BFSP1: variants seen among roughly 807,000 people sequenced by gnomAD.
BFSP1 encodes beaded filament structural protein 1, also known as filensin.
A neutral mutation model predicts 43.9 loss-of-function variants in BFSP1; 38 were observed. The observed-to-expected ratio is 0.87, with a 90% CI of 0.67 to 1.14. The LOEUF is 1.14. BFSP1 is among the 50% of genes most tolerant of loss of function. The pLI is 0.00. For missense variants in BFSP1, 850 were observed against 875.1 expected, an observed-to-expected ratio of 0.97 and a Z score of 0.36; for synonymous variants, 352 against 354.8, an observed-to-expected ratio of 0.99 and a Z score of 0.09.
chr20:17,568,780 C>A (rs1372973477), intron 1 of BFSP1, among the ~76,000 whole-genome samples: 1 of 151,930 alleles, frequency 6.6e-6, no homozygotes, highest in African/African-American at 2.4e-5. Flanking sequence ...AAGCCACATA[C>A]AACCTAGATT....
chr20:17,547,714 TG>T (rs545700394), intron 1 of BFSP1, among the ~76,000 whole-genome samples: 162 of 149,202 alleles, frequency 1.1e-3, no homozygotes, highest in African/African-American at 3.8e-3. Context: ...ATAAGAGACA[TG>T]TTTTTTTTCT....
At chr20:17,517,273 G>T (rs891545991) in intron 2 of BFSP1, 4 of 1,258,120 alleles carry the variant, frequency 3.2e-6, no homozygotes, top group African/African-American at 1.5e-5. Context: ...GGCAAATGTT[G>T]TCTGACTTAC....
intron 1 of BFSP1, among the ~76,000 whole-genome samples, chr20:17,566,887 C>T (rs373387451): frequency 1.2e-4 from 19 of 152,204 alleles, no homozygotes; most frequent in African/African-American, 4.1e-4. Context: ...CTCCTGACCT[C>T]GTGATCCACC....
At chr20:17,499,488 C>T (rs746403138) in intron 5 of BFSP1, among the ~76,000 whole-genome samples, 29 of 144,464 alleles carry the variant, frequency 2.0e-4, no homozygotes, top group Non-Finnish European at 3.1e-4. Flanking sequence ...TTCAAGTGAT[C>T]CTCCCACCTC....
intron 2 of BFSP1, among the ~76,000 whole-genome samples, chr20:17,522,195 G>A (rs1465244118): frequency 1.3e-5 from 2 of 152,190 alleles, no homozygotes; most frequent in African/African-American, 4.8e-5. Flanking sequence ...TGGAGGTAGA[G>A]AATGAACCAC....
At chr20:17,506,386 G>C (rs769537399) in intron 5 of BFSP1, among the ~76,000 whole-genome samples, 2 of 152,136 alleles carry the variant, frequency 1.3e-5, no homozygotes, top group East Asian at 1.9e-4. Context: ...GACTCATCAA[G>C]GCAGCAACAG....
At chr20:17,512,446 G>C (rs2034108685) in intron 3 of BFSP1, among the ~76,000 whole-genome samples, 1 of 152,132 alleles carries the variant, frequency 6.6e-6, no homozygotes, top group African/African-American at 2.4e-5. Context: ...ACCAGACATG[G>C]TGGCTCACAC....
At position 17,514,643 on chromosome 20, in the gene BFSP1, A is replaced by G. The variant is rs577442183; in HGVS notation, c.534+78T>C. ...TATGCCACTCTAGCAGTCTGTTTTCAGCCACAGTACCCTCGGCTTACCTGA... is the reference window on the plus strand; with the variant it reads ...TATGCCACTCTAGCAGTCTGTTTTCGGCCACAGTACCCTCGGCTTACCTGA... On this transcript the variant is annotated intron_variant, in intron 3 of 7. Coordinates refer to ENST00000377873, the MANE Select transcript of BFSP1 (RefSeq NM_001195.5). 1,798 of 1,417,834 alleles carry G rather than the reference A, an allele frequency of 1.3e-3. 3 individuals are homozygous for G. The highest frequency in any genetic ancestry group is 1.6e-3 in the Non-Finnish European group (1,607 of 1,005,864). 87.8% of individuals were successfully genotyped at this position (1,417,834 alleles called of 1,614,324 possible). A position where few individuals can be genotyped will look rare whatever the true frequency, so the allele number is the denominator to read the frequency against.
At chr20:17,564,171 T>TACACAG (rs1555806956) in intron 1 of BFSP1, among the ~76,000 whole-genome samples, 6 of 151,606 alleles carry the variant, frequency 4.0e-5, no homozygotes, top group Admixed American at 1.3e-4. Flanking sequence ...TGTCTTTACA[T>TACACAG]ACACAGACAC....
In BFSP1 at chr20:17,515,305, G is replaced by A. The variant is rs1040388087; in HGVS notation, c.439-489C>T. Among the ~76,000 whole-genome samples the A allele has an allele frequency of 5.9e-5, 9 of 152,220 alleles. No individual in the cohort carries two copies. The South Asian group carries it at 8.3e-4, about 14-fold the overall frequency. Reference sequence around the variant, plus strand: ...CAAATAAAGTTAATATTTAAGTAACGTCTATATTTGTTCTATATCTCATCA... The same window carrying A: ...CAAATAAAGTTAATATTTAAGTAACATCTATATTTGTTCTATATCTCATCA... On this transcript the variant is annotated intron_variant, in intron 2 of 7. Transcript: ENST00000377873.
At chr20:17,517,533 C>T (rs556695834) in intron 2 of BFSP1, among the ~76,000 whole-genome samples, 10 of 152,282 alleles carry the variant, frequency 6.6e-5, no homozygotes, top group Admixed American at 5.9e-4. Flanking sequence ...ATCCACCCAC[C>T]GTGGCCTCCC....
chr20:17,495,370 A>G (rs924723070), intron 7 of BFSP1, among the ~76,000 whole-genome samples: 2 of 152,214 alleles, frequency 1.3e-5, no homozygotes, highest in Non-Finnish European at 2.9e-5. Flanking sequence ...TGGGAGCCCT[A>G]GCCCCTGTTC....
chr20:17,568,195 G>A (rs1304173294), intron 1 of BFSP1, among the ~76,000 whole-genome samples: 1 of 152,156 alleles, frequency 6.6e-6, no homozygotes, highest in Non-Finnish European at 1.5e-5. Flanking sequence ...AGACGGGCCA[G>A]ACTGACCTGC....
chr20:17,536,252 C>T (rs550175810), upstream of BFSP1, among the ~76,000 whole-genome samples: 1 of 152,180 alleles, frequency 6.6e-6, no homozygotes, highest in South Asian at 2.1e-4. Context: ...TCTTTTATTC[C>T]ATTTAAAGTT....
chr20:17,519,640 T>C (rs773441835), intron 2 of BFSP1, among the ~76,000 whole-genome samples: 10 of 152,242 alleles, frequency 6.6e-5, no homozygotes, highest in Non-Finnish European at 1.0e-4. Context: ...CCTCCTAGGA[T>C]TGTGTCAAAA....
intron 1 of BFSP1, among the ~76,000 whole-genome samples, chr20:17,558,000 G>A (rs552119159): frequency 8.6e-5 from 13 of 152,008 alleles, no homozygotes; most frequent in South Asian, 2.1e-4. Context: ...ATAAAAACTC[G>A]ACTCAGGAGG....
exon 1 of BFSP1, chr20:17,558,713 T>C (rs989815323): frequency 6.4e-7 from 1 of 1,551,794 alleles, no homozygotes; most frequent in Non-Finnish European, 8.7e-7. Context: ...TGGAGGCTCC[T>C]TCTGTGAAAT....
chr20:17,509,036 A>C (rs1260616404), intron 4 of BFSP1, 40 bp from the exon 5 acceptor site: 1 of 1,444,708 alleles, frequency 6.9e-7, no homozygotes, highest in Non-Finnish European at 9.2e-7. Flanking sequence ...TGGGACATGC[A>C]GAGAGGAAAA....
chr20:17,561,532 T>C (rs557092855), upstream of BFSP1, among the ~76,000 whole-genome samples: 1 of 152,100 alleles, frequency 6.6e-6, no homozygotes, highest in Non-Finnish European at 1.5e-5. Context: ...ATCATGCTTA[T>C]GAAAAATGGA....
Sources: gnomAD v4.1 joint callset for allele counts (sites outside exome capture counted in the v4.1 genomes callset) on GRCh38, gnomAD v4.1.1 for gene constraint, MANE v1.5 for transcripts, NCBI Gene and HGNC (gene_info 2026-07-23, HGNC 2026-07-21) for gene names.